The following CFAP47 variants were observed in gnomAD, a reference collection of about 807,000 sequenced individuals.
CFAP47 encodes cilia and flagella associated protein 47.
CFAP47 carries 29 observed loss-of-function variants against 148.1 expected under a neutral mutation model. The ratio of observed to expected loss-of-function variants is 0.20; its 90% CI spans 0.15 to 0.27. The LOEUF is 0.27. Among genes scored for constraint, CFAP47 ranks in the 10% least tolerant of loss-of-function variants. CFAP47 has a pLI of 1.00. For missense variants in CFAP47, 1,872 were observed against 1,697.5 expected (o/e 1.10, Z -1.81); for synonymous variants, 664 against 577.3 (o/e 1.15, Z -2.15).
At chrX:36,258,711 G>C (rs1160267679) in intron 49 of CFAP47, among the ~76,000 whole-genome samples, 1 of 111,504 alleles carries the variant, frequency 9.0e-6, no homozygotes, top group Non-Finnish European at 1.9e-5. Flanking sequence ...AAAGACTCTG[G>C]TTATGTACCT....
intron 11 of CFAP47, 106 bp from the exon 12 acceptor site, chrX:35,971,480 A>G (rs192387864): frequency 7.1e-5 from 35 of 490,687 alleles, no homozygotes; most frequent in Non-Finnish European, 1.1e-4. Context: ...AGTGGATATG[A>G]GTGAGGCAGC....
intron 62 of CFAP47, among the ~76,000 whole-genome samples, chrX:36,377,925 C>T (rs963146281): frequency 1.1e-4 from 12 of 111,510 alleles, no homozygotes; most frequent in South Asian, 7.6e-4. Context: ...GTAAATTGCC[C>T]GAAGTCATCC....
chrX:36,347,461 A>G (rs1022898362), intron 57 of CFAP47, among the ~76,000 whole-genome samples: 1 of 112,243 alleles, frequency 8.9e-6, no homozygotes, highest in South Asian at 3.7e-4. Context: ...AAATCCTTCT[A>G]TGATAAAGAC....
At position 36,254,514 on chromosome X, in the gene CFAP47, G is replaced by T. The variant is rs1225566760; in HGVS notation, c.7444+3070G>T. 2.7e-5 allele frequency among the ~76,000 whole-genome samples: 3 copies of T among 110,933 alleles called. No individual in the cohort carries two copies. The Admixed American group carries it at 2.9e-4, about 11-fold the overall frequency. On this transcript the variant is annotated intron_variant, in intron 49 of 63. Coordinates refer to ENST00000378653, the MANE Select transcript of CFAP47 (RefSeq NM_001304548.2). ...GGTAATATAAAAAACAGACAGGAGG[G>T]GTGAGATAGGCCAGTAAGATCTGGG... is the stretch of plus-strand genomic sequence containing the variant.
intron 30 of CFAP47, among the ~76,000 whole-genome samples, chrX:36,090,446 T>C (rs1391200585): frequency 8.9e-6 from 1 of 111,950 alleles, no homozygotes; most frequent in African/African-American, 3.2e-5. Flanking sequence ...GTGTTATTCT[T>C]GTAGAATTCT....
chrX:36,051,686 T>A (rs765461588), intron 26 of CFAP47, among the ~76,000 whole-genome samples: 1 of 111,711 alleles, frequency 9.0e-6, no homozygotes, highest in East Asian at 2.8e-4. Context: ...GAGTTAATGC[T>A]GAAATGAGTT....
chrX:36,303,079 C>T (rs1257816149), intron 53 of CFAP47, among the ~76,000 whole-genome samples: 1 of 112,220 alleles, frequency 8.9e-6, no homozygotes, highest in Non-Finnish European at 1.9e-5. Flanking sequence ...TATTGTCTCA[C>T]AGTTCTGAGG....
chrX:36,153,283 C>T (rs1381480558), intron 37 of CFAP47, among the ~76,000 whole-genome samples: 1 of 111,969 alleles, frequency 8.9e-6, no homozygotes, highest in East Asian at 2.8e-4. Flanking sequence ...GTGTCCAAAA[C>T]TAAACAGGAC....
At chrX:36,358,856 C>A (rs1371214599) in intron 60 of CFAP47, among the ~76,000 whole-genome samples, 2 of 111,531 alleles carry the variant, frequency 1.8e-5, no homozygotes, top group Admixed American at 1.9e-4. Context: ...TCCAGCTAAC[C>A]TTTACTCATC....
At chrX:35,966,236 T>A (rs977159069) in intron 8 of CFAP47, among the ~76,000 whole-genome samples, 1 of 112,325 alleles carries the variant, frequency 8.9e-6, no homozygotes, top group Admixed American at 9.3e-5. Flanking sequence ...AAATATTAGC[T>A]GCTAATATTT....
intron 22 of CFAP47, among the ~76,000 whole-genome samples, chrX:36,027,098 G>A (rs1180563896): frequency 1.0e-5 from 1 of 99,243 alleles, no homozygotes; most frequent in Non-Finnish European, 2.0e-5. Flanking sequence ...ATATATATAT[G>A]ATTATATATA....
chrX:36,365,801 G>C, intron 61 of CFAP47: 1 of 110,937 alleles, frequency 9.0e-6, no homozygotes, highest in East Asian at 2.8e-4. Context: ...GCATCCATGT[G>C]TCTGAAAAAG....
intron 49 of CFAP47, among the ~76,000 whole-genome samples, chrX:36,256,933 A>T (rs1175362539): frequency 2.7e-5 from 3 of 112,206 alleles, no homozygotes; most frequent in Non-Finnish European, 5.6e-5. Context: ...TGTGTGTTTA[A>T]CTCAAAATTT....
At chrX:36,384,646 C>T in intron 63 of CFAP47, 151 bp from the exon 64 acceptor site, 31 of 414,581 alleles carry the variant, frequency 7.5e-5, no homozygotes, top group South Asian at 2.0e-4. Context: ...CTTTATTTTC[C>T]ACATTAATTG....
chrX:36,137,732 A>G (rs1185879958), intron 33 of CFAP47, among the ~76,000 whole-genome samples: 1 of 110,761 alleles, frequency 9.0e-6, no homozygotes, highest in Admixed American at 9.7e-5. Context: ...AAAGCAGCTC[A>G]TATAGAAATA....
At chrX:36,067,357 T>G (rs1352559687) in intron 27 of CFAP47, among the ~76,000 whole-genome samples, 1 of 111,599 alleles carries the variant, frequency 9.0e-6, no homozygotes, top group Non-Finnish European at 1.9e-5. Context: ...TTTTTTTCTC[T>G]ATATACCCCA....
chrX:36,084,967 G>T (rs1418181726), intron 29 of CFAP47, among the ~76,000 whole-genome samples: 2 of 111,450 alleles, frequency 1.8e-5, no homozygotes, highest in African/African-American at 6.5e-5. Flanking sequence ...ATTGAGCTCA[G>T]TGAGTTTAGA....
At chrX:36,076,666 AT>A (rs1320740017) in intron 29 of CFAP47, among the ~76,000 whole-genome samples, 1 of 110,976 alleles carries the variant, frequency 9.0e-6, no homozygotes, top group African/African-American at 3.3e-5. Context: ...GTTTGCAAAT[AT>A]TTGCTCCCAT....
rs1940724700 is a variant in CFAP47 at position 36,254,276 on chromosome X, AAC to A, written c.7444+2836_7444+2837del. On this transcript the variant is annotated intron_variant, in intron 49 of 63. Transcript: ENST00000378653. Reference sequence around the variant, plus strand: ...CAGCAGGAGAAATAACCTTATTGAAAACACAGAGAAGACAGTTTCTGTAAATT... The same window carrying A: ...CAGCAGGAGAAATAACCTTATTGAAAACAGAGAAGACAGTTTCTGTAAATT... 3.6e-5 allele frequency among the ~76,000 whole-genome samples: 4 copies of A among 111,506 alleles called. No individual in the cohort carries two copies. In the Admixed American group the frequency reaches 3.8e-4, roughly 11 times the overall value.
Sources: gnomAD v4.1 joint callset for allele counts (sites outside exome capture counted in the v4.1 genomes callset) on GRCh38, gnomAD v4.1.1 for gene constraint, MANE v1.5 for transcripts, NCBI Gene and HGNC (gene_info 2026-07-23, HGNC 2026-07-21) for gene names.